Variants in EYS observed in about 807,000 individuals in gnomAD.
The protein encoded by EYS is EGF-like photoreceptor maintenance factor.
In EYS, 250 loss-of-function variants were observed where a neutral mutation model predicts 282.1. That is an observed-to-expected ratio of 0.89 (90% CI 0.80 to 0.98). The LOEUF is 0.98. Ranked by LOEUF, EYS falls within the 50% of genes least tolerant of loss-of-function variation. EYS has a pLI of 0.00. For missense variants in EYS, 4,016 were observed against 3,709.0 expected, an observed-to-expected ratio of 1.08 and a Z score of -2.15; for synonymous variants, 1,355 against 1,282.9, an observed-to-expected ratio of 1.06 and a Z score of -1.20.
intron 12 of EYS, among the ~76,000 whole-genome samples, chr6:65,243,265 T>C (rs774756535): frequency 2.6e-5 from 4 of 152,158 alleles, no homozygotes; most frequent in Non-Finnish European, 4.4e-5. Flanking sequence ...AAAACAAATG[T>C]CACAATAAAG....
At chr6:65,445,358 G>A (rs1037207674) in intron 5 of EYS, among the ~76,000 whole-genome samples, 1 of 151,726 alleles carries the variant, frequency 6.6e-6, no homozygotes, top group Non-Finnish European at 1.5e-5. Flanking sequence ...AAGTATAATA[G>A]TATTCATCTT....
chr6:65,098,082 G>C (rs1055834767), intron 12 of EYS, among the ~76,000 whole-genome samples: 1 of 150,580 alleles, frequency 6.6e-6, no homozygotes, highest in Non-Finnish European at 1.5e-5. Context: ...TGTAGGGACA[G>C]TTATCTCGGA....
intron 22 of EYS, among the ~76,000 whole-genome samples, chr6:64,651,203 T>A (rs1209433121): frequency 1.3e-5 from 2 of 152,190 alleles, no homozygotes; most frequent in African/African-American, 4.8e-5. Context: ...ATAGAATGGT[T>A]ACGTATCACT....
At chr6:65,195,432 T>C (rs1465413448) in intron 12 of EYS, among the ~76,000 whole-genome samples, 1 of 152,064 alleles carries the variant, frequency 6.6e-6, no homozygotes, top group African/African-American at 2.4e-5. Flanking sequence ...TAAGGTTAAA[T>C]ACTGTTTTAA....
intron 2 of EYS, among the ~76,000 whole-genome samples, chr6:65,595,614 G>A (rs1009315891): frequency 3.3e-5 from 5 of 150,354 alleles, no homozygotes; most frequent in Non-Finnish European, 7.4e-5. Flanking sequence ...AAAATACCTA[G>A]GACATAAAGC....
intron 13 of EYS, among the ~76,000 whole-genome samples, chr6:65,003,913 C>T (rs75066899): frequency 0.03 from 4,397 of 147,346 alleles, 312 homozygotes; most frequent in African/African-American, 0.1. Context: ...AATGTCATTT[C>T]GTTTTCTGTG....
At chr6:65,481,603 C>A (rs1765608603) in intron 5 of EYS, among the ~76,000 whole-genome samples, 1 of 152,202 alleles carries the variant, frequency 6.6e-6, no homozygotes, top group African/African-American at 2.4e-5. Flanking sequence ...GGCTGAAGTG[C>A]AGTGGCGCGA....
intron 1 of EYS, among the ~76,000 whole-genome samples, chr6:65,703,375 T>A (rs1769750617): frequency 6.6e-6 from 1 of 152,114 alleles, no homozygotes; most frequent in East Asian, 1.9e-4. Flanking sequence ...GCAATAATTC[T>A]TTTTTTATAA....
intron 19 of EYS, among the ~76,000 whole-genome samples, chr6:64,824,382 G>T (rs1245653319): frequency 6.6e-6 from 1 of 151,894 alleles, no homozygotes; most frequent in Non-Finnish European, 1.5e-5. Flanking sequence ...GTTACTTATT[G>T]GTACATCATA....
intron 12 of EYS, among the ~76,000 whole-genome samples, chr6:65,067,077 T>C (rs1053212686): frequency 7.2e-5 from 11 of 152,140 alleles, no homozygotes; most frequent in Admixed American, 7.2e-4. Context: ...CTATTCTTAA[T>C]AATCTGTGTC....
intron 12 of EYS, among the ~76,000 whole-genome samples, chr6:65,226,261 G>T (rs887660523): frequency 1.3e-5 from 2 of 151,682 alleles, no homozygotes; most frequent in African/African-American, 4.8e-5. Flanking sequence ...CAATTCCATT[G>T]CAAGAACATA....
intron 2 of EYS, among the ~76,000 whole-genome samples, chr6:65,510,121 C>G (rs1317993895): frequency 6.6e-6 from 1 of 151,024 alleles, no homozygotes; most frequent in South Asian, 2.1e-4. Flanking sequence ...GCTGCACCCA[C>G]TAACTCGTCA....
intron 19 of EYS, among the ~76,000 whole-genome samples, chr6:64,863,262 AT>A (rs1453318617): frequency 6.6e-6 from 1 of 152,164 alleles, no homozygotes; most frequent in Admixed American, 6.5e-5. Flanking sequence ...TATTTTCATT[AT>A]CAAGAAATTC....
intron 30 of EYS, among the ~76,000 whole-genome samples, chr6:64,285,380 T>A (rs542789487): frequency 3.5e-4 from 53 of 152,346 alleles, no homozygotes; most frequent in African/African-American, 1.2e-3. Context: ...GTCTCTTTGA[T>A]AAAACATAAC....
chr6:65,216,496 G>A (rs1486089979), intron 12 of EYS, among the ~76,000 whole-genome samples: 1 of 151,838 alleles, frequency 6.6e-6, no homozygotes, highest in Non-Finnish European at 1.5e-5. Flanking sequence ...TAAGGTAAAA[G>A]TAAATAATAT....
intron 5 of EYS, among the ~76,000 whole-genome samples, chr6:65,477,052 T>C (rs1765438498): frequency 2.0e-5 from 3 of 152,216 alleles, no homozygotes; most frequent in African/African-American, 7.2e-5. Flanking sequence ...AATTATGGTA[T>C]TGTGCTTTTA....
chr6:64,150,584 TAAA>T (rs1774668207), intron 31 of EYS, among the ~76,000 whole-genome samples: 1 of 152,202 alleles, frequency 6.6e-6, no homozygotes, highest in Non-Finnish European at 1.5e-5. Context: ...TTTGATTACT[TAAA>T]AAGTGAAAAT....
chr6:64,833,810 C>T (rs918414890), intron 19 of EYS, among the ~76,000 whole-genome samples: 7 of 151,692 alleles, frequency 4.6e-5, no homozygotes, highest in African/African-American at 1.7e-4. Context: ...GATTGAATGG[C>T]CTAAAATTAT....
chr6:64,686,569 G>C (rs924012510), intron 22 of EYS, among the ~76,000 whole-genome samples: 1 of 149,778 alleles, frequency 6.7e-6, no homozygotes, highest in Non-Finnish European at 1.5e-5. Flanking sequence ...GTAAAACCCC[G>C]TCTCTACTAA....
Sources: allele counts gnomAD v4.1 joint callset (sites outside exome capture counted in the v4.1 genomes callset), GRCh38; gene constraint gnomAD v4.1.1; transcripts MANE v1.5; gene names NCBI Gene and HGNC (gene_info 2026-07-23, HGNC 2026-07-21).